The following NID2 variants were observed in gnomAD, a reference collection of about 807,000 sequenced individuals.
NID2 encodes the protein nidogen-2.
A neutral mutation model predicts 145.4 loss-of-function variants in NID2; 83 were observed. The ratio of observed to expected loss-of-function variants is 0.57; its 90% CI spans 0.48 to 0.69. The LOEUF (loss-of-function observed/expected upper bound fraction) is 0.69, where lower values mean the gene tolerates loss of function less well. NID2 is among the 30% of genes least tolerant of loss of function. NID2 has a pLI of 0.00. For synonymous variants in NID2, 739 were observed against 701.3 expected (o/e 1.05, Z -0.85); for missense variants, 1,807 against 1,765.7 (o/e 1.02, Z -0.42).
intron 9 of NID2, among the ~76,000 whole-genome samples, chr14:52,038,079 G>C (rs1461454610): frequency 2.0e-5 from 3 of 152,096 alleles, no homozygotes; most frequent in Non-Finnish European, 2.9e-5. Context: ...AATTTAGATG[G>C]CTTTTATTTT....
At chr14:52,014,922 AAC>A in intron 15 of NID2, 130 bp downstream of exon 15, 1 of 738,248 alleles carries the variant, frequency 1.4e-6, no homozygotes, top group Non-Finnish European at 2.2e-6. Context: ...ATTATAAATC[AAC>A]ATAGCACATA....
At chr14:52,011,834 C>T (rs756124326) in intron 16 of NID2, 151 bp from the exon 17 acceptor site, 101 of 879,264 alleles carry the variant, frequency 1.1e-4, no homozygotes, top group Non-Finnish European at 1.7e-4. Context: ...TGTGGGCACT[C>T]GGGTGAAATC....
At chr14:52,009,239 A>G (rs1007504546) in intron 18 of NID2, 30 of 152,344 alleles carry the variant, frequency 2.0e-4, no homozygotes, top group African/African-American at 6.7e-4. Context: ...CAGAGGGTAC[A>G]GCATGCATAT....
At chr14:52,052,231 C>T (rs1489508040) in intron 5 of NID2, among the ~76,000 whole-genome samples, 2 of 152,188 alleles carry the variant, frequency 1.3e-5, no homozygotes, top group Admixed American at 1.3e-4. Flanking sequence ...TTTACATCTT[C>T]AACTTCATGG....
chr14:52,055,461 A>G (rs970042363), intron 3 of NID2, among the ~76,000 whole-genome samples: 1 of 152,234 alleles, frequency 6.6e-6, no homozygotes, highest in African/African-American at 2.4e-5. Context: ...TTTTGCACTG[A>G]AAAAGTTAAG....
intron 5 of NID2, among the ~76,000 whole-genome samples, chr14:52,047,376 G>C (rs1211910930): frequency 1.3e-5 from 2 of 152,096 alleles, no homozygotes; most frequent in Non-Finnish European, 2.9e-5. Flanking sequence ...ATGAGGGCAG[G>C]CGTGGTGCTG....
intron 5 of NID2, among the ~76,000 whole-genome samples, chr14:52,048,552 T>A (rs1489809646): frequency 6.6e-6 from 1 of 152,068 alleles, no homozygotes; most frequent in African/African-American, 2.4e-5. Context: ...CATGTCCCTA[T>A]CATGGCTTTG....
intron 12 of NID2, among the ~76,000 whole-genome samples, chr14:52,025,705 G>C (rs1891564965): frequency 6.6e-6 from 1 of 152,064 alleles, no homozygotes; most frequent in East Asian, 1.9e-4. Flanking sequence ...ATTTTAGGCA[G>C]GCCTCCCTTC....
At chr14:52,036,720 C>CA (rs968873429) in intron 9 of NID2, among the ~76,000 whole-genome samples, 1 of 152,154 alleles carries the variant, frequency 6.6e-6, no homozygotes, top group African/African-American at 2.4e-5. Flanking sequence ...AGTAGTATCT[C>CA]ATTGTGGTTT....
rs546432523 is a variant in NID2 at position 52,005,275 on chromosome 14, C to G, written c.*211G>C. The G allele has an allele frequency of 5.0e-6, 2 of 403,392 alleles. No individual in the cohort carries two copies. Among genetic ancestry groups the G allele is most frequent in the East Asian group, 3.6e-5 (1 of 27,698 alleles). 25.0% of individuals were successfully genotyped at this position (403,392 alleles called of 1,614,324 possible). ...AAATTCTGTTACCTTTTTAAACTTG[C>G]AATAACAACCTTCATTTTTAAAAAT... On this transcript the variant is annotated 3_prime_UTR_variant, in exon 22 of 22. Coordinates refer to ENST00000216286, the MANE Select transcript of NID2 (RefSeq NM_007361.4).
At chr14:52,026,731 G>C (rs1343818003) in intron 12 of NID2, among the ~76,000 whole-genome samples, 1 of 152,214 alleles carries the variant, frequency 6.6e-6, no homozygotes, top group African/African-American at 2.4e-5. Flanking sequence ...ATTTCTGGGA[G>C]AAAAGTTTTG....
At chr14:52,005,972 G>T (rs1379391283) in intron 20 of NID2, 123 bp from the exon 21 acceptor site, 3 of 692,056 alleles carry the variant, frequency 4.3e-6, no homozygotes, top group Non-Finnish European at 7.8e-6. Context: ...TCCCAGGGCT[G>T]GTGCTAAAGC....
Position 52,029,653 on chromosome 14 carries a change from A to C in NID2, c.2295T>G (p.Asp765Glu), listed in dbSNP as rs545094150. 1.1e-5 allele frequency: 18 copies of C among 1,614,056 alleles called. No homozygotes were observed. In the African/African-American group the frequency reaches 2.0e-4, roughly 18 times the overall value. Residue 765 changes from aspartate to glutamate, a missense_variant, in exon 10 of 22, where the codon GAT (aspartate) becomes GAG (glutamate). Asp to Glu is a conservative substitution (Grantham distance 45). Coordinates refer to ENST00000216286, the MANE Select transcript of NID2 (RefSeq NM_007361.4). Reference protein sequence around the residue: ...SDPTPGNPCYDGSHMCDTTAR... With the variant: ...SDPTPGNPCYEGSHMCDTTAR... ...CTGTTGTGTCACACATGTGGCTCCC[A>C]TCATAGCAAGGATTCCCCGGAGTGG... is the stretch of plus-strand genomic sequence containing the variant.
At chr14:52,015,357 A>G in intron 14 of NID2, 82 bp from the exon 15 acceptor site, 2 of 1,324,552 alleles carry the variant, frequency 1.5e-6, no homozygotes, top group East Asian at 2.5e-5. Flanking sequence ...TCAAGACCCC[A>G]TGCCTGGCCT....
At chr14:52,054,350 C>G in intron 3 of NID2, 29 bp from the exon 4 acceptor site, 3 of 1,586,420 alleles carry the variant, frequency 1.9e-6, no homozygotes, top group Non-Finnish European at 2.6e-6. Context: ...GTCATTGTAA[C>G]AAATGTAACA....
At chr14:52,063,762 C>G (rs1206851241) in intron 2 of NID2, among the ~76,000 whole-genome samples, 2 of 152,204 alleles carry the variant, frequency 1.3e-5, no homozygotes, top group African/African-American at 4.8e-5. Context: ...TTGCTGTGAA[C>G]ACTAACCTCC....
At position 52,042,919 on chromosome 14, in the gene NID2, T is replaced by G. The variant is rs1047188185; in HGVS notation, c.1442A>C (p.Asn481Thr). The G allele has an allele frequency of 6.2e-7, 1 of 1,614,166 alleles. No homozygotes were observed. Reference protein sequence around the residue: ...IGSNTEVFTYNAANKETCEHN... With the variant: ...IGSNTEVFTYTAANKETCEHN... ...TTCACAGGTTTCCTTGTTGGCAGCA[T>G]TATACGTGAAGACTGAAAAATAAAA... Residue 481 changes from asparagine to threonine, a missense_variant, in exon 6 of 22, where the codon AAT becomes ACT. Transcript: ENST00000216286.
rs140941021 is a variant in NID2, at chr14:52,056,106, A to C, written c.768-1785T>G. Among the ~76,000 whole-genome samples the C allele has an allele frequency of 6.5e-3, 984 of 152,306 alleles. 15 individuals carry two copies. Among genetic ancestry groups the C allele is most frequent in the African/African-American group, 0.023 (936 of 41,578 alleles). ...TAATGTTGGTGTTTATTGGCAAGCA[A>C]ATAAGGAAAACTAAAGACAGTAGGA... On this transcript the variant is annotated intron_variant, in intron 3 of 21. Coordinates refer to ENST00000216286, the MANE Select transcript of NID2 (RefSeq NM_007361.4).
intron 5 of NID2, among the ~76,000 whole-genome samples, chr14:52,050,996 C>G (rs931725812): frequency 6.6e-6 from 1 of 152,134 alleles, no homozygotes; most frequent in Non-Finnish European, 1.5e-5. Context: ...TTTGACTTGA[C>G]AACAAAACGA....
Sources: gnomAD v4.1 joint callset for allele counts (sites outside exome capture counted in the v4.1 genomes callset) on GRCh38, gnomAD v4.1.1 for gene constraint, MANE v1.5 for transcripts, NCBI Gene and HGNC (gene_info 2026-07-23, HGNC 2026-07-21) for gene names.